The following WDR27 variants were observed in gnomAD, a reference collection of about 807,000 sequenced individuals.
The protein encoded by WDR27 is WD repeat-containing protein 27.
A neutral mutation model predicts 114.4 loss-of-function variants in WDR27; 100 were observed. The observed-to-expected ratio is 0.87, with a 90% CI of 0.74 to 1.03. The LOEUF (loss-of-function observed/expected upper bound fraction) is 1.03, where lower values mean the gene tolerates loss of function less well. WDR27 is among the 50% of genes least tolerant of loss of function. The probability of loss-of-function intolerance (pLI) is 0.00; values close to 1 mark genes in which losing one functional copy is unlikely to be tolerated. For synonymous variants in WDR27, 449 were observed against 423.1 expected (o/e 1.06, Z -0.75); for missense variants, 1,129 against 1,092.9 (o/e 1.03, Z -0.47).
At chr6:169,598,158 A>T (rs2050061) in intron 23 of WDR27, among the ~76,000 whole-genome samples, 143,015 of 152,260 alleles carry the variant, frequency 0.94, 67,240 homozygotes, top group East Asian at 0.99. Context: ...TATTTGGAAA[A>T]AGGATTTTCT....
At chr6:169,678,650 G>T (rs1015937038) in intron 2 of WDR27, among the ~76,000 whole-genome samples, 2 of 152,182 alleles carry the variant, frequency 1.3e-5, no homozygotes, top group Non-Finnish European at 2.9e-5. Context: ...GGGGTCTGGG[G>T]AGTCATGCCC....
chr6:169,485,350 A>G (rs551234807), intron 25 of WDR27, among the ~76,000 whole-genome samples: 1 of 152,352 alleles, frequency 6.6e-6, no homozygotes, highest in African/African-American at 2.4e-5. Flanking sequence ...AAAAGTGGGC[A>G]AAGGACATGA....
intron 25 of WDR27, among the ~76,000 whole-genome samples, chr6:169,517,117 T>C (rs943285770): frequency 7.2e-5 from 11 of 152,080 alleles, no homozygotes; most frequent in African/African-American, 2.7e-4. Flanking sequence ...CTTGATGCTG[T>C]CTTTGCAATG....
At chr6:169,486,053 A>G (rs930419348) in intron 25 of WDR27, among the ~76,000 whole-genome samples, 1 of 152,206 alleles carries the variant, frequency 6.6e-6, no homozygotes, top group Non-Finnish European at 1.5e-5. Flanking sequence ...ATTGGGTGAC[A>G]GGCCTAGTAC....
At chr6:169,440,652 T>C in the WDR27 span, among the ~76,000 whole-genome samples, 64 of 152,332 alleles carry the variant, frequency 4.2e-4, no homozygotes, top group African/African-American at 1.5e-3. Context: ...TAATAATAAT[T>C]ACAATGAGCT....
intron 23 of WDR27, among the ~76,000 whole-genome samples, chr6:169,594,686 T>C (rs967209051): frequency 2.6e-5 from 4 of 152,228 alleles, no homozygotes; most frequent in African/African-American, 9.6e-5. Context: ...TTTGGTTGAA[T>C]TGTGTTTTGT....
chr6:169,661,982 G>A (rs1826263211), intron 9 of WDR27, among the ~76,000 whole-genome samples: 1 of 152,230 alleles, frequency 6.6e-6, no homozygotes, highest in South Asian at 2.1e-4. Flanking sequence ...CACAGCGGTA[G>A]ATGGGAAAGT....
At chr6:169,620,734 T>C (rs544165009) in intron 21 of WDR27, among the ~76,000 whole-genome samples, 2 of 152,306 alleles carry the variant, frequency 1.3e-5, no homozygotes, top group African/African-American at 4.8e-5. Context: ...ATCCTTAACC[T>C]TGGTGAAATA....
At chr6:169,617,001 A>C (rs1811973143) in intron 21 of WDR27, among the ~76,000 whole-genome samples, 1 of 152,188 alleles carries the variant, frequency 6.6e-6, no homozygotes, top group South Asian at 2.1e-4. Context: ...ATCAAGCAAC[A>C]GGGAGATATG....
chr6:169,681,347 T>C (rs896902853), intron 2 of WDR27, among the ~76,000 whole-genome samples: 3 of 152,208 alleles, frequency 2.0e-5, no homozygotes, highest in Non-Finnish European at 4.4e-5. Context: ...ACAAAAATTC[T>C]GCACCCATCC....
chr6:169,428,055 T>C, the WDR27 span, among the ~76,000 whole-genome samples: 2 of 152,176 alleles, frequency 1.3e-5, no homozygotes, highest in African/African-American at 2.4e-5. Flanking sequence ...GTCTCCACTT[T>C]CAATCTCCGC....
In WDR27 at chr6:169,628,665, C is replaced by T. The variant is rs7753997; in HGVS notation, c.2223+4282G>A. Among the ~76,000 whole-genome samples the T allele has an allele frequency of 6.2e-3, 950 of 152,306 alleles. 7 individuals carry two copies. Among genetic ancestry groups the T allele is most frequent in the African/African-American group, 0.021 (881 of 41,556 alleles). On this transcript the variant is annotated intron_variant, in intron 21 of 25. Transcript: ENST00000448612. ...CCAGGACAGGATGGCTGTTCCCATCCCTACTCTCTGGCAGCGATTCCACAT... is the reference window on the plus strand; with the variant it reads ...CCAGGACAGGATGGCTGTTCCCATCTCTACTCTCTGGCAGCGATTCCACAT...
chr6:169,444,737 TC>T, the WDR27 span, among the ~76,000 whole-genome samples: 1 of 151,936 alleles, frequency 6.6e-6, no homozygotes, highest in African/African-American at 2.4e-5. Context: ...AACAACCAGA[TC>T]CTGCTAGAGG....
chr6:169,639,752 A>C (rs1261835932), intron 17 of WDR27, among the ~76,000 whole-genome samples: 2 of 152,162 alleles, frequency 1.3e-5, no homozygotes, highest in Admixed American at 6.5e-5. Flanking sequence ...CCAGACCCTG[A>C]GCACGTGCTG....
At chr6:169,483,118 A>G (rs1185323077) in intron 25 of WDR27, among the ~76,000 whole-genome samples, 1 of 152,256 alleles carries the variant, frequency 6.6e-6, no homozygotes, top group Non-Finnish European at 1.5e-5. Context: ...CATGACGACT[A>G]AAAGAACTAA....
intron 25 of WDR27, among the ~76,000 whole-genome samples, chr6:169,527,430 T>C (rs1028141354): frequency 3.3e-5 from 5 of 152,132 alleles, no homozygotes; most frequent in South Asian, 2.1e-4. Context: ...TAGAAATCCA[T>C]AGAAACAGAA....
At chr6:169,614,583 G>T (rs1811352164) in intron 21 of WDR27, among the ~76,000 whole-genome samples, 1 of 151,940 alleles carries the variant, frequency 6.6e-6, no homozygotes, top group Non-Finnish European at 1.5e-5. Context: ...AGCTACTGGG[G>T]AGACTGAGGC....
At chr6:169,643,961 G>A (rs141716490) in intron 16 of WDR27, among the ~76,000 whole-genome samples, 175 bp from the exon 17 acceptor site, 19,653 of 150,938 alleles carry the variant, frequency 0.13, 1,269 homozygotes, top group African/African-American at 0.17. Context: ...TAGTTCACAG[G>A]AGTCACACTG....
At chr6:169,667,350 C>T in intron 5 of WDR27, 163 bp from the exon 6 acceptor site, 2 of 1,231,254 alleles carry the variant, frequency 1.6e-6, no homozygotes, top group South Asian at 8.1e-5. Flanking sequence ...GTAGTAACAC[C>T]ATAAAATATG....
Sources: gnomAD v4.1 joint callset for allele counts (sites outside exome capture counted in the v4.1 genomes callset) on GRCh38, gnomAD v4.1.1 for gene constraint, MANE v1.5 for transcripts, NCBI Gene and HGNC (gene_info 2026-07-23, HGNC 2026-07-21) for gene names.